Variants in BCL2L11 observed in about 807,000 individuals in gnomAD.
BCL2L11 encodes the protein bcl-2-like protein 11.
A neutral mutation model predicts 20.6 loss-of-function variants in BCL2L11; 15 were observed. That is an observed-to-expected ratio of 0.73 (90% CI 0.49 to 1.12). The LOEUF is 1.12. Ranked by LOEUF, BCL2L11 falls within the 50% of genes most tolerant of loss-of-function variation. The pLI, the probability that BCL2L11 is intolerant of heterozygous loss-of-function variation, is 0.00. For missense variants in BCL2L11, 292 were observed against 260.9 expected (o/e 1.12, Z -0.82); for synonymous variants, 108 against 92.8 (o/e 1.16, Z -0.94).
At chr2:111,161,499 A>G in intron 3 of BCL2L11, 2 of 1,550,132 alleles carry the variant, frequency 1.3e-6, no homozygotes, top group Middle Eastern at 1.7e-4. Flanking sequence ...CTCTGCAGAC[A>G]GCAGGTCTCA....
At chr2:111,133,246 A>G (rs2074272629) in intron 2 of BCL2L11, among the ~76,000 whole-genome samples, 1 of 152,246 alleles carries the variant, frequency 6.6e-6, no homozygotes, top group Non-Finnish European at 1.5e-5. Flanking sequence ...AGCCTGCCAA[A>G]CAGCGTGCTG....
intron 3 of BCL2L11, among the ~76,000 whole-genome samples, chr2:111,157,924 C>G (rs1475138023): frequency 1.3e-5 from 2 of 152,194 alleles, no homozygotes; most frequent in African/African-American, 4.8e-5. Context: ...TGGGAGGGAA[C>G]TTCCTAGTGC....
In BCL2L11 at chr2:111,166,865, T is replaced by C. The variant is rs890248668; in HGVS notation, c.*2634T>C. The C allele has an allele frequency of 7.9e-5, 12 of 152,634 alleles. No homozygotes were observed. Among genetic ancestry groups the C allele is most frequent in the African/African-American group, 2.9e-4 (12 of 41,450 alleles). The allele number at this position is 152,634 out of a possible 1,614,324, so 9.5% of individuals were successfully genotyped here. A position where few individuals can be genotyped will look rare whatever the true frequency, so the allele number is the denominator to read the frequency against. On this transcript the variant is annotated 3_prime_UTR_variant, in exon 4 of 4. Coordinates refer to ENST00000393256, the MANE Select transcript of BCL2L11 (RefSeq NM_138621.5). Reference sequence around the variant, plus strand: ...TGCCGTTTCCCCTTCTTAATGTATATATTGTGAGTATTTATTAGATTCGTA... The same window carrying C: ...TGCCGTTTCCCCTTCTTAATGTATACATTGTGAGTATTTATTAGATTCGTA...
At chr2:111,145,920 C>G (rs1034760087) in intron 2 of BCL2L11, 2 of 733,754 alleles carry the variant, frequency 2.7e-6, no homozygotes, top group Non-Finnish European at 3.3e-6. Flanking sequence ...TAGTGGCTTT[C>G]TTTTTTTTTT....
chr2:111,150,353 A>G (rs2077101686), intron 3 of BCL2L11: 3 of 1,033,022 alleles, frequency 2.9e-6, no homozygotes, highest in South Asian at 1.6e-5. Flanking sequence ...ATAATACAGT[A>G]GGAGGCAGCA....
intron 2 of BCL2L11, among the ~76,000 whole-genome samples, chr2:111,125,963 G>C (rs530637792): frequency 1.3e-3 from 195 of 152,124 alleles, no homozygotes; most frequent in Non-Finnish European, 2.3e-3. Flanking sequence ...TGAGTTAACA[G>C]GGCTTTATGG....
chr2:111,167,954 G>A lies in BCL2L11; in HGVS notation c.*3723G>A, dbSNP rs1447583856. On this transcript the variant is annotated 3_prime_UTR_variant, in exon 4 of 4. Coordinates refer to ENST00000393256, the MANE Select transcript of BCL2L11 (RefSeq NM_138621.5). ...ACTTCATGGTGGTTCCATGCAGGTGGTTCTGCCATCCCTGCTGATTTAGCC... is the reference window on the plus strand; with the variant it reads ...ACTTCATGGTGGTTCCATGCAGGTGATTCTGCCATCCCTGCTGATTTAGCC... 2.0e-5 allele frequency: 3 copies of A among 152,662 alleles called. No individual in the cohort carries two copies. The highest frequency in any genetic ancestry group is 7.2e-5 in the African/African-American group (3 of 41,456). 9.5% of individuals were successfully genotyped at this position (152,662 alleles called of 1,614,324 possible). A position where few individuals can be genotyped will look rare whatever the true frequency, so the allele number is the denominator to read the frequency against.
In BCL2L11 at chr2:111,167,633, G is replaced by A. The variant is rs1354182270; in HGVS notation, c.*3402G>A. On this transcript the variant is annotated 3_prime_UTR_variant, in exon 4 of 4. Coordinates refer to ENST00000393256, the MANE Select transcript of BCL2L11 (RefSeq NM_138621.5). Reference sequence around the variant, plus strand: ...CAGGACAAGTGAATGGGTGGGACAGGTGGCTCCTGCCTAAGGACCACCTCA... The same window carrying A: ...CAGGACAAGTGAATGGGTGGGACAGATGGCTCCTGCCTAAGGACCACCTCA... The A allele has an allele frequency of 6.6e-6, 1 of 152,272 alleles. No homozygotes were observed. The highest frequency in any genetic ancestry group is 1.5e-5 in the Non-Finnish European group (1 of 68,072). The allele number at this position is 152,272 out of a possible 1,614,324, so 9.4% of individuals were successfully genotyped here.
intron 3 of BCL2L11, among the ~76,000 whole-genome samples, chr2:111,157,739 A>C (rs1009768674): frequency 2.0e-5 from 3 of 152,232 alleles, no homozygotes; most frequent in Admixed American, 1.3e-4. Context: ...TAACTATCAT[A>C]ATTTCTTTGA....
intron 2 of BCL2L11, chr2:111,130,109 CT>C (rs750092051): frequency 0.054 from 17,882 of 333,102 alleles, 37 homozygotes; most frequent in Middle Eastern, 0.069. Context: ...TTTTACTTCT[CT>C]TTTTTTTTTT....
At chr2:111,131,237 G>T (rs2073898053) in intron 2 of BCL2L11, 1 of 127,078 alleles carries the variant, frequency 7.9e-6, no homozygotes, top group South Asian at 3.2e-4. Flanking sequence ...GGGGGTGGGG[G>T]GGATGGGGGG....
At chr2:111,122,605 C>T (rs926793420) in intron 1 of BCL2L11, 7 of 983,448 alleles carry the variant, frequency 7.1e-6, no homozygotes, top group East Asian at 1.1e-4. Context: ...TCGGCGGTGC[C>T]GGCGGCGGCG....
intron 2 of BCL2L11, among the ~76,000 whole-genome samples, chr2:111,129,245 A>G (rs1308585199): frequency 1.3e-5 from 2 of 152,192 alleles, no homozygotes. Context: ...GAGCCTCCCA[A>G]TAGAGGTGTC....
chr2:111,142,302 A>G lies in BCL2L11; in HGVS notation c.395-7742A>G, dbSNP rs538359859. The G allele has an allele frequency of 3.5e-5, 55 of 1,549,362 alleles. No individual in the cohort carries two copies. In the Middle Eastern group the frequency reaches 5.0e-4, roughly 14 times the overall value. On this transcript the variant is annotated intron_variant, in intron 2 of 3. Coordinates refer to ENST00000393256, the MANE Select transcript of BCL2L11 (RefSeq NM_138621.5). ...CACAATTTATTTATACAACATTTTT[A>G]TGGCTTGCAGATGACTCCGCTGGAT...
rs2078964400 is a variant in BCL2L11 at position 111,165,165 on chromosome 2, T to C, written c.*934T>C. ...ACGAGCATGTTATTGGGAAGTATTC[T>C]GAAGAGGCAATAGCAGTAATAACAA... On this transcript the variant is annotated 3_prime_UTR_variant, in exon 4 of 4. Transcript: ENST00000393256. The C allele has an allele frequency of 6.6e-6, 1 of 152,270 alleles. No homozygotes were observed. Among genetic ancestry groups the C allele is most frequent in the Admixed American group, 6.5e-5 (1 of 15,288 alleles). 9.4% of individuals were successfully genotyped at this position (152,270 alleles called of 1,614,324 possible).
chr2:111,146,644 C>G (rs1204614819), intron 2 of BCL2L11, among the ~76,000 whole-genome samples: 1 of 152,112 alleles, frequency 6.6e-6, no homozygotes, highest in Non-Finnish European at 1.5e-5. Context: ...CTTACAGACC[C>G]CATTCATTTG....
intron 2 of BCL2L11, among the ~76,000 whole-genome samples, chr2:111,138,906 A>G (rs1407946540): frequency 1.3e-5 from 2 of 152,128 alleles, no homozygotes; most frequent in African/African-American, 4.8e-5. Flanking sequence ...ATCGACAGAA[A>G]GCCCCTGGTA....
intron 3 of BCL2L11, chr2:111,161,503 G>T: frequency 6.5e-7 from 1 of 1,550,010 alleles, no homozygotes; most frequent in East Asian, 2.4e-5. Context: ...GCAGACAGCA[G>T]GTCTCAGGAA....
intron 2 of BCL2L11, chr2:111,145,879 A>G (rs1370650006): frequency 1.2e-6 from 1 of 825,696 alleles, no homozygotes; most frequent in Non-Finnish European, 1.5e-6. Flanking sequence ...AATTGCTTAT[A>G]TCTGACATAT....
Sources: gnomAD v4.1 joint callset for allele counts (sites outside exome capture counted in the v4.1 genomes callset) on GRCh38, gnomAD v4.1.1 for gene constraint, MANE v1.5 for transcripts, NCBI Gene and HGNC (gene_info 2026-07-23, HGNC 2026-07-21) for gene names.